The following ALOX5 variants were observed in gnomAD, a reference collection of about 807,000 sequenced individuals.
ALOX5 encodes the protein polyunsaturated fatty acid 5-lipoxygenase.
Under a neutral mutation model 87.9 loss-of-function variants are expected in ALOX5, and 64 were observed. The observed-to-expected ratio is 0.73, with a 90% CI of 0.60 to 0.90. The LOEUF (loss-of-function observed/expected upper bound fraction) is 0.90. Ranked by LOEUF, ALOX5 falls within the 40% of genes least tolerant of loss-of-function variation. The pLI is 0.00. For missense variants in ALOX5, 822 were observed against 907.5 expected, an observed-to-expected ratio of 0.91 and a Z score of 1.21; for synonymous variants, 388 against 355.1, an observed-to-expected ratio of 1.09 and a Z score of -1.04.
At chr10:45,434,568 A>G (rs530277214) in intron 7 of ALOX5, among the ~76,000 whole-genome samples, 176 of 152,310 alleles carry the variant, frequency 1.2e-3, no homozygotes, top group African/African-American at 4.1e-3. Flanking sequence ...GAAAAACAAG[A>G]CACAAGGGAC....
chr10:45,412,917 G>A (rs1021131409), intron 4 of ALOX5, among the ~76,000 whole-genome samples: 8 of 152,192 alleles, frequency 5.3e-5, no homozygotes, highest in South Asian at 2.1e-4. Context: ...AGGCTATCGG[G>A]AGACTCTAGG....
At chr10:45,392,725 AG>A (rs150466787) in intron 2 of ALOX5, among the ~76,000 whole-genome samples, 4 of 145,214 alleles carry the variant, frequency 2.8e-5, no homozygotes, top group African/African-American at 1.1e-4. Context: ...GAAAAAAAAA[AG>A]AAGAGAAGAA....
At chr10:45,438,844 G>T (rs190457599) in intron 7 of ALOX5, among the ~76,000 whole-genome samples, 2 of 152,262 alleles carry the variant, frequency 1.3e-5, no homozygotes, top group Non-Finnish European at 2.9e-5. Context: ...AAACAGACAG[G>T]CACGCCTAAT....
At chr10:45,388,659 G>A (rs928943725) in intron 2 of ALOX5, among the ~76,000 whole-genome samples, 2 of 152,198 alleles carry the variant, frequency 1.3e-5, no homozygotes, top group African/African-American at 4.8e-5. Flanking sequence ...CTAACAAACA[G>A]AAAGGACATC....
In ALOX5 at chr10:45,444,101, C is replaced by A; in HGVS notation, c.1675-15C>A. 1 of 1,518,564 alleles carries A rather than the reference C, an allele frequency of 6.6e-7. No individual in the cohort carries two copies. The highest frequency in any genetic ancestry group is 8.9e-7 in the Non-Finnish European group (1 of 1,126,736). The allele number at this position is 1,518,564 out of a possible 1,614,324, so 94.1% of individuals were successfully genotyped here. ...CTTCGGGGGTGCCCACGCTTGCTGG[C>A]GGTCGTCTCCGCAGTACGACTGGTG... On this transcript the variant is annotated splice_polypyrimidine_tract_variant and intron_variant, in intron 12 of 13. Transcript: ENST00000374391.
At chr10:45,390,104 A>T (rs1246906422) in intron 2 of ALOX5, among the ~76,000 whole-genome samples, 2 of 152,244 alleles carry the variant, frequency 1.3e-5, no homozygotes, top group Non-Finnish European at 2.9e-5. Context: ...AGGCCATTAC[A>T]TAATGGTAAA....
At chr10:45,418,101 T>G (rs1025574546) in intron 4 of ALOX5, among the ~76,000 whole-genome samples, 1 of 152,124 alleles carries the variant, frequency 6.6e-6, no homozygotes, top group Non-Finnish European at 1.5e-5. Context: ...GGCTGGACAG[T>G]AAGCTTAGCC....
chr10:45,428,533 C>T, intron 6 of ALOX5, 85 bp from the exon 7 acceptor site: 1 of 1,535,576 alleles, frequency 6.5e-7, no homozygotes, highest in Non-Finnish European at 8.9e-7. Flanking sequence ...GAGAGGGGTG[C>T]CCAGAGGTCA....
At chr10:45,391,421 G>C (rs528128631) in intron 2 of ALOX5, among the ~76,000 whole-genome samples, 54 of 152,334 alleles carry the variant, frequency 3.5e-4, no homozygotes, top group African/African-American at 1.3e-3. Flanking sequence ...CTGGGGTGCA[G>C]TGGCGTGATC....
At chr10:45,404,027 C>T (rs954984650) in intron 3 of ALOX5, among the ~76,000 whole-genome samples, 8 of 152,216 alleles carry the variant, frequency 5.3e-5, no homozygotes, top group Admixed American at 2.0e-4. Context: ...ATTAGTGGGG[C>T]TCTAATTAGA....
rs748963509 is a variant in ALOX5 at position 45,440,529 on chromosome 10, C to G, written c.1081C>G (p.His361Asp). 3.0e-5 allele frequency: 48 copies of G among 1,614,060 alleles called. No individual in the cohort carries two copies. The highest frequency in any genetic ancestry group is 4.0e-5 in the Non-Finnish European group (47 of 1,180,038). ...AATCTGGGTGCGTTCCAGTGACTTCCACGTCCACCAGACCATCACCCACCT... is the reference window on the plus strand; with the variant it reads ...AATCTGGGTGCGTTCCAGTGACTTCGACGTCCACCAGACCATCACCCACCT... Reference protein sequence around the residue: ...AKIWVRSSDFHVHQTITHLLR... With the variant: ...AKIWVRSSDFDVHQTITHLLR... The change falls in exon 8 of 14, where the codon CAC (histidine) becomes GAC (aspartate). Residue 361 changes from histidine to aspartate, a missense_variant. Coordinates refer to ENST00000374391, the MANE Select transcript of ALOX5 (RefSeq NM_000698.5).
At chr10:45,437,710 T>G (rs1236124759) in intron 7 of ALOX5, among the ~76,000 whole-genome samples, 1 of 152,218 alleles carries the variant, frequency 6.6e-6, no homozygotes, top group Non-Finnish European at 1.5e-5. Flanking sequence ...TCCTTTGTCT[T>G]TCCACTGCTT....
chr10:45,436,009 C>A (rs1431532780), intron 7 of ALOX5, among the ~76,000 whole-genome samples: 4 of 152,142 alleles, frequency 2.6e-5, no homozygotes, highest in Admixed American at 6.5e-5. Flanking sequence ...ATTTGCATTT[C>A]TCTGATGATT....
chr10:45,375,464 AC>A (rs1564405755), intron 1 of ALOX5, among the ~76,000 whole-genome samples: 1 of 152,158 alleles, frequency 6.6e-6, no homozygotes, highest in African/African-American at 2.4e-5. Flanking sequence ...CTTCCACCCC[AC>A]CCCAGCTCCT....
In ALOX5 at chr10:45,424,037, G is replaced by A; in HGVS notation, c.555-4G>A. 2 of 1,612,632 alleles carry A rather than the reference G, an allele frequency of 1.2e-6. No individual in the cohort carries two copies. Among genetic ancestry groups the A allele is most frequent in the Non-Finnish European group, 1.7e-6 (2 of 1,178,612 alleles). ...CGCAAGGTGACCTCTCTCCTGGTCT[G>A]CAGGATGGAGAACCTGTTCATCAAC... On this transcript the variant is annotated splice_region_variant and splice_polypyrimidine_tract_variant and intron_variant, in intron 4 of 13. Transcript: ENST00000374391.
In ALOX5 at chr10:45,445,462, C is replaced by T. The variant is rs200243611; in HGVS notation, c.1846-46C>T. 3.9e-5 allele frequency: 61 copies of T among 1,580,958 alleles called. No individual in the cohort carries two copies. In the East Asian group the frequency reaches 8.2e-4, roughly 21 times the overall value. On this transcript the variant is annotated intron_variant, in intron 13 of 13. Transcript: ENST00000374391. ...GATGAGACAGGCCTGTCAGTTTACA[C>T]GGGTAGTGGATTGACCTATGTGTGT... is the stretch of plus-strand genomic sequence containing the variant.
At chr10:45,376,910 C>G (rs556036298) in intron 1 of ALOX5, among the ~76,000 whole-genome samples, 33 of 152,328 alleles carry the variant, frequency 2.2e-4, no homozygotes, top group East Asian at 7.7e-4. Context: ...GGATCCTACA[C>G]AGAATGGCCC....
At chr10:45,379,557 T>C (rs994871225) in intron 1 of ALOX5, among the ~76,000 whole-genome samples, 4 of 152,208 alleles carry the variant, frequency 2.6e-5, no homozygotes, top group African/African-American at 7.2e-5. Context: ...GTTACTCGGA[T>C]TGGCACATGT....
chr10:45,407,594 G>A (rs1424948996), intron 3 of ALOX5, among the ~76,000 whole-genome samples: 5 of 152,192 alleles, frequency 3.3e-5, no homozygotes, highest in African/African-American at 1.2e-4. Flanking sequence ...TTTCATGTAA[G>A]AGCAGGGCAG....
Sources: allele counts gnomAD v4.1 joint callset (sites outside exome capture counted in the v4.1 genomes callset), GRCh38; gene constraint gnomAD v4.1.1; transcripts MANE v1.5; gene names NCBI Gene and HGNC (gene_info 2026-07-23, HGNC 2026-07-21).